Variants in ANKS1A observed in about 807,000 individuals in gnomAD.
ANKS1A encodes the protein ankyrin repeat and SAM domain-containing protein 1A.
In ANKS1A, 55 loss-of-function variants were observed where a neutral mutation model predicts 120.3. That is an observed-to-expected ratio of 0.46 (90% CI 0.37 to 0.57). The LOEUF is 0.57. Among genes scored for constraint, ANKS1A ranks in the 20% least tolerant of loss-of-function variants. ANKS1A has a pLI of 0.00. For missense variants in ANKS1A, 1,123 were observed against 1,480.3 expected (o/e 0.76, Z 3.96); for synonymous variants, 590 against 604.7 (o/e 0.98, Z 0.36).
chr6:34,924,578 C>T (rs947108528), intron 1 of ANKS1A, among the ~76,000 whole-genome samples: 1 of 152,098 alleles, frequency 6.6e-6, no homozygotes, highest in Non-Finnish European at 1.5e-5. Context: ...ATTTCCAAAT[C>T]GGTGACTCCT....
At chr6:34,919,144 C>T (rs909592449) in intron 1 of ANKS1A, among the ~76,000 whole-genome samples, 3 of 152,150 alleles carry the variant, frequency 2.0e-5, no homozygotes, top group African/African-American at 4.8e-5. Flanking sequence ...GAGTGCTGCT[C>T]CCAGCCTTAT....
rs115701169 is a variant in ANKS1A, at chr6:34,937,576, G to A, written c.198-29663G>A. Among the ~76,000 whole-genome samples, 505 of 152,246 alleles carry A rather than the reference G, an allele frequency of 3.3e-3. 3 individuals carry two copies. Among genetic ancestry groups the A allele is most frequent in the African/African-American group, 0.012 (489 of 41,524 alleles). ...AAGGAGGAGGAGAATTGAGGCATGGGACAGTGGGGAGAAAGGTGAGGAAGG... is the reference window on the plus strand; with the variant it reads ...AAGGAGGAGGAGAATTGAGGCATGGAACAGTGGGGAGAAAGGTGAGGAAGG... On this transcript the variant is annotated intron_variant, in intron 1 of 23. Transcript: ENST00000360359.
At chr6:34,964,672 ACT>A (rs1770808713) in intron 1 of ANKS1A, among the ~76,000 whole-genome samples, 1 of 151,824 alleles carries the variant, frequency 6.6e-6, no homozygotes, top group South Asian at 2.1e-4. Context: ...TTAGTTTTTA[ACT>A]CTTACAATGA....
intron 10 of ANKS1A, among the ~76,000 whole-genome samples, chr6:35,011,470 C>T (rs72896231): frequency 0.14 from 20,575 of 152,032 alleles, 1,689 homozygotes; most frequent in African/African-American, 0.21. Flanking sequence ...AGAGAACAGA[C>T]GCTTTAGGAG....
At position 34,967,257 on chromosome 6, in the gene ANKS1A, T is replaced by C; in HGVS notation, c.216T>C (p.Asn72=). ...CTGATAGCATGTGGAGAGGGCCAAA[T>C]GTGAACTGTGTTGACAGCACTGGCT... The part of the protein sequence containing the change: ...SSLLSMWRGP[N]VNCVDSTGYT... The change falls in exon 2 of 24, where the codon AAT becomes AAC. Residue 72 remains asparagine (N), a synonymous_variant. Coordinates refer to ENST00000360359, the MANE Select transcript of ANKS1A (RefSeq NM_015245.3). 1.9e-6 allele frequency: 3 copies of C among 1,613,888 alleles called. No individual in the cohort carries two copies. The highest frequency in any genetic ancestry group is 2.2e-5 in the East Asian group (1 of 44,880).
At chr6:34,967,215 C>T (rs745999447) in intron 1 of ANKS1A, 24 bp from the exon 2 acceptor site, 1 of 1,604,784 alleles carries the variant, frequency 6.2e-7, no homozygotes, top group South Asian at 1.1e-5. Context: ...ATCTATGTCT[C>T]TCTCTTTTTT....
In ANKS1A at chr6:34,985,206, G is replaced by A. The variant is rs200028172; in HGVS notation, c.1137G>A (p.Gly379=). ...ATTCGTTGGACAGCATGGCCAGCGG[G>A]CGATCATCTGACCAAGACTCCACGA... ...SCHSLDSMAS[G]RSSDQDSTNK... The change falls in exon 8 of 24, where the codon GGG becomes GGA. Residue 379 remains glycine, a synonymous_variant. Coordinates refer to ENST00000360359, the MANE Select transcript of ANKS1A (RefSeq NM_015245.3). The A allele has an allele frequency of 2.5e-6, 4 of 1,614,216 alleles. No homozygotes were observed. The African/African-American group carries it at 4.0e-5, about 16-fold the overall frequency.
At chr6:34,900,295 A>C (rs1767283700) in intron 1 of ANKS1A, among the ~76,000 whole-genome samples, 1 of 152,202 alleles carries the variant, frequency 6.6e-6, no homozygotes, top group South Asian at 2.1e-4. Flanking sequence ...GATGAGACTT[A>C]AGCGACCACT....
chr6:34,987,522 C>T (rs2127532024), intron 8 of ANKS1A, among the ~76,000 whole-genome samples: 1 of 152,310 alleles, frequency 6.6e-6, no homozygotes, highest in East Asian at 1.9e-4. Flanking sequence ...CAGGTTCCTG[C>T]ACTTCTGGAG....
intron 11 of ANKS1A, among the ~76,000 whole-genome samples, chr6:35,024,908 G>GTTCC (rs1774536115): frequency 6.6e-6 from 1 of 152,202 alleles, no homozygotes; most frequent in African/African-American, 2.4e-5. Flanking sequence ...GCCATATTCT[G>GTTCC]CAATGTGCAT....
intron 11 of ANKS1A, among the ~76,000 whole-genome samples, chr6:35,041,878 G>A (rs1171604699): frequency 6.6e-6 from 1 of 152,212 alleles, no homozygotes; most frequent in Non-Finnish European, 1.5e-5. Flanking sequence ...GGGCTACTTT[G>A]AGGACATCAA....
chr6:34,919,457 G>A (rs926422574), intron 1 of ANKS1A, among the ~76,000 whole-genome samples: 4 of 152,146 alleles, frequency 2.6e-5, no homozygotes, highest in African/African-American at 7.2e-5. Flanking sequence ...TACTGGGAAC[G>A]ATGCCATTTG....
chr6:35,022,094 C>T (rs1317581730), intron 11 of ANKS1A, among the ~76,000 whole-genome samples: 3 of 152,168 alleles, frequency 2.0e-5, no homozygotes, highest in Non-Finnish European at 2.9e-5. Context: ...TGGTGATCCT[C>T]CTGCACAGCT....
chr6:34,964,833 G>A (rs979013163), intron 1 of ANKS1A, among the ~76,000 whole-genome samples: 1 of 152,176 alleles, frequency 6.6e-6, no homozygotes, highest in Non-Finnish European at 1.5e-5. Flanking sequence ...GAATTTACCA[G>A]TTTAAACTCA....
At chr6:34,902,397 C>T (rs1327713270) in intron 1 of ANKS1A, among the ~76,000 whole-genome samples, 3 of 151,920 alleles carry the variant, frequency 2.0e-5, no homozygotes, top group Non-Finnish European at 4.4e-5. Context: ...TACAGGCATG[C>T]GCCACCATGC....
intron 1 of ANKS1A, among the ~76,000 whole-genome samples, chr6:34,923,377 G>A (rs967200921): frequency 2.6e-5 from 4 of 152,292 alleles, no homozygotes; most frequent in African/African-American, 7.2e-5. Flanking sequence ...AGGCTTTTTC[G>A]TCTTTGGGAA....
intron 1 of ANKS1A, among the ~76,000 whole-genome samples, chr6:34,944,205 G>C (rs1026471987): frequency 2.6e-5 from 4 of 152,110 alleles, no homozygotes; most frequent in Non-Finnish European, 5.9e-5. Flanking sequence ...GTAAACCTGG[G>C]AGGCGGAGCT....
chr6:35,055,647 G>A (rs919181281), intron 12 of ANKS1A, among the ~76,000 whole-genome samples: 3 of 152,178 alleles, frequency 2.0e-5, no homozygotes, highest in African/African-American at 7.2e-5. Context: ...TTTTGTCCAT[G>A]AAATCATTAC....
At chr6:34,977,934 G>A (rs1771688291) in intron 3 of ANKS1A, among the ~76,000 whole-genome samples, 1 of 151,998 alleles carries the variant, frequency 6.6e-6, no homozygotes, top group Non-Finnish European at 1.5e-5. Flanking sequence ...AGTTCCAAGA[G>A]GAGAAAGGTC....
Sources: gnomAD v4.1 joint callset for allele counts (sites outside exome capture counted in the v4.1 genomes callset) on GRCh38, gnomAD v4.1.1 for gene constraint, MANE v1.5 for transcripts, NCBI Gene and HGNC (gene_info 2026-07-23, HGNC 2026-07-21) for gene names.